The following RNF150 variants were observed in gnomAD, a reference collection of about 807,000 sequenced individuals.
RNF150 encodes ring finger protein 150.
Under a neutral mutation model 39.3 loss-of-function variants are expected in RNF150, and 24 were observed. The observed-to-expected ratio is 0.61, with a 90% CI of 0.44 to 0.86. The LOEUF is 0.86. RNF150 is among the 40% of genes least tolerant of loss of function. The pLI is 0.00. For synonymous variants in RNF150, 255 were observed against 227.3 expected (o/e 1.12, Z -1.10); for missense variants, 502 against 587.8 (o/e 0.85, Z 1.51).
At chr4:141,100,090 C>T (rs747541361) in intron 1 of RNF150, among the ~76,000 whole-genome samples, 16 of 152,100 alleles carry the variant, frequency 1.1e-4, no homozygotes, top group Non-Finnish European at 1.9e-4. Context: ...AACATTTCTA[C>T]TTTTATAGGA....
At chr4:141,086,897 C>A (rs1043494883) in intron 1 of RNF150, among the ~76,000 whole-genome samples, 7 of 152,028 alleles carry the variant, frequency 4.6e-5, no homozygotes, top group Non-Finnish European at 1.0e-4. Context: ...TTCTTTCTCT[C>A]TTCTCTGTAT....
At chr4:140,870,479 T>TGTGTGC (rs1728886679) in intron 6 of RNF150, among the ~76,000 whole-genome samples, 1 of 152,048 alleles carries the variant, frequency 6.6e-6, no homozygotes, top group African/African-American at 2.4e-5. Flanking sequence ...TGTGTGTGTG[T>TGTGTGC]GTGTGCACTT....
intron 1 of RNF150, among the ~76,000 whole-genome samples, chr4:141,199,624 A>G (rs1728257117): frequency 6.6e-6 from 1 of 152,220 alleles, no homozygotes; most frequent in Non-Finnish European, 1.5e-5. Context: ...GATCTCATTT[A>G]TGCAGCATTC....
rs549728399 is a variant in RNF150, at chr4:140,919,574, G to A, written c.987+6403C>T. ...ATGGAAGAACATTCCATGCTCATGG[G>A]TAGGAAGAATCAATATCGTGAAAAT... On this transcript the variant is annotated intron_variant, in intron 5 of 6. Transcript: ENST00000515673. 2.7e-5 allele frequency among the ~76,000 whole-genome samples: 4 copies of A among 150,772 alleles called. 1 individual carries two copies. The highest frequency in any genetic ancestry group is 2.0e-4 in the East Asian group (1 of 5,072).
At chr4:141,050,726 A>G (rs934145150) in intron 1 of RNF150, among the ~76,000 whole-genome samples, 3 of 152,204 alleles carry the variant, frequency 2.0e-5, no homozygotes, top group Non-Finnish European at 4.4e-5. Flanking sequence ...CCCTGTGGCT[A>G]TGCAGTGTAC....
intron 1 of RNF150, among the ~76,000 whole-genome samples, chr4:141,200,435 T>A (rs1283805580): frequency 1.3e-5 from 2 of 151,804 alleles, no homozygotes; most frequent in African/African-American, 4.8e-5. Context: ...CTCCTAATAC[T>A]ATCACATTGG....
At chr4:141,110,098 G>T (rs1394486978) in intron 1 of RNF150, among the ~76,000 whole-genome samples, 3 of 152,116 alleles carry the variant, frequency 2.0e-5, no homozygotes, top group African/African-American at 7.2e-5. Flanking sequence ...GGCTCTGAAG[G>T]AAACAAAATA....
chr4:141,051,011 C>T (rs956364948), intron 1 of RNF150, among the ~76,000 whole-genome samples: 20 of 152,176 alleles, frequency 1.3e-4, no homozygotes, highest in Non-Finnish European at 2.8e-4. Context: ...TCCATACCTC[C>T]TCTGAAATCT....
chr4:141,121,931 G>A (rs1726617188), intron 1 of RNF150, among the ~76,000 whole-genome samples: 1 of 151,990 alleles, frequency 6.6e-6, no homozygotes, highest in Non-Finnish European at 1.5e-5. Flanking sequence ...AAACATATGG[G>A]GAGTCCCCTC....
At chr4:141,146,293 A>G (rs1578766037) in intron 1 of RNF150, among the ~76,000 whole-genome samples, 1 of 152,212 alleles carries the variant, frequency 6.6e-6, no homozygotes, top group South Asian at 2.1e-4. Context: ...CAGGAGAAAC[A>G]TTCCTTTTAC....
intron 1 of RNF150, among the ~76,000 whole-genome samples, chr4:141,139,953 C>T (rs1021532613): frequency 2.0e-5 from 3 of 152,166 alleles, no homozygotes; most frequent in Non-Finnish European, 2.9e-5. Context: ...TCTTTTTCCT[C>T]TGCTTAATTT....
intron 1 of RNF150, among the ~76,000 whole-genome samples, chr4:141,004,955 C>A (rs1411339544): frequency 1.3e-5 from 2 of 152,018 alleles, no homozygotes; most frequent in East Asian, 1.9e-4. Flanking sequence ...TTTCAACAAA[C>A]AACATGGGCA....
intron 1 of RNF150, among the ~76,000 whole-genome samples, chr4:141,034,563 G>A (rs193074274): frequency 1.8e-4 from 28 of 152,154 alleles, no homozygotes; most frequent in African/African-American, 6.3e-4. Flanking sequence ...AGCCCATTTC[G>A]GCTTTTGACT....
At chr4:140,920,437 C>T (rs11100690) in intron 5 of RNF150, among the ~76,000 whole-genome samples, 60,169 of 120,666 alleles carry the variant, frequency 0.5, 16,110 homozygotes, top group East Asian at 0.87. Context: ...CATGAAAAAA[C>T]GCTCACCATC....
Position 140,866,971 on chromosome 4 carries a change from C to A in RNF150, c.*1290G>T, listed in dbSNP as rs1419946142. The A allele has an allele frequency of 1.3e-5, 2 of 152,162 alleles. No homozygotes were observed. Among genetic ancestry groups the A allele is most frequent in the Non-Finnish European group, 2.9e-5 (2 of 68,028 alleles). The allele number at this position is 152,162 out of a possible 1,614,324, so 9.4% of individuals were successfully genotyped here. A position where few individuals can be genotyped will look rare whatever the true frequency, so the allele number is the denominator to read the frequency against. On this transcript the variant is annotated 3_prime_UTR_variant, in exon 7 of 7. Coordinates refer to ENST00000515673, the MANE Select transcript of RNF150 (RefSeq NM_020724.2). ...TTGGGTTTCAGTATTTACTTGATAC[C>A]TCTTTTCCTTTCCCTCTTACTTTGT...
At position 140,911,223 on chromosome 4, in the gene RNF150, G is replaced by C; in HGVS notation, c.1119C>G (p.Val373=). The change falls in exon 6 of 7, where the codon GTC becomes GTG. Residue 373 remains valine (V), a synonymous_variant. Transcript: ENST00000515673. The part of the protein sequence containing the change: ...NESSVTLDPA[V]RTVGALQVVQ... Reference sequence around the variant, plus strand: ...CCACCTGCAAGGCTCCCACAGTCCGGACAGCAGGGTCCAAAGTGACTGAAC... The same window carrying C: ...CCACCTGCAAGGCTCCCACAGTCCGCACAGCAGGGTCCAAAGTGACTGAAC... The C allele has an allele frequency of 6.2e-7, 1 of 1,614,138 alleles. No individual in the cohort carries two copies.
intron 5 of RNF150, among the ~76,000 whole-genome samples, chr4:140,916,843 C>G (rs1322378442): frequency 1.3e-5 from 2 of 152,194 alleles, no homozygotes; most frequent in African/African-American, 2.4e-5. Flanking sequence ...CAGCTGATCT[C>G]TTGGCAGAAA....
At chr4:141,117,485 C>T (rs1726448388) in intron 1 of RNF150, among the ~76,000 whole-genome samples, 1 of 152,140 alleles carries the variant, frequency 6.6e-6, no homozygotes, top group South Asian at 2.1e-4. Flanking sequence ...AACCTACATC[C>T]TAGATGTGCA....
At position 140,865,353 on chromosome 4, in the gene RNF150, G is replaced by C. The variant is rs1728659316; in HGVS notation, c.*2908C>G. 1.3e-5 allele frequency: 2 copies of C among 152,396 alleles called. No individual in the cohort carries two copies. The highest frequency in any genetic ancestry group is 4.1e-4 in the South Asian group (2 of 4,822). The allele number at this position is 152,396 out of a possible 1,614,324, so 9.4% of individuals were successfully genotyped here. On this transcript the variant is annotated 3_prime_UTR_variant, in exon 7 of 7. Coordinates refer to ENST00000515673, the MANE Select transcript of RNF150 (RefSeq NM_020724.2). ...TTGGACAGTGCTAGTCTAGACTCTTGCTATAGAAAAATGCACATCTGCAAA... is the reference window on the plus strand; with the variant it reads ...TTGGACAGTGCTAGTCTAGACTCTTCCTATAGAAAAATGCACATCTGCAAA...
Sources: allele counts gnomAD v4.1 joint callset (sites outside exome capture counted in the v4.1 genomes callset), GRCh38; gene constraint gnomAD v4.1.1; transcripts MANE v1.5; gene names NCBI Gene and HGNC (gene_info 2026-07-23, HGNC 2026-07-21).